The following CTNND2 variants were observed in gnomAD, a reference collection of about 807,000 sequenced individuals.
CTNND2 encodes catenin delta 2.
In CTNND2, 22 loss-of-function variants were observed where a neutral mutation model predicts 144.4. That is an observed-to-expected ratio of 0.15 (90% confidence interval 0.11 to 0.22). The LOEUF (loss-of-function observed/expected upper bound fraction) is 0.22. CTNND2 is among the 10% of genes least tolerant of loss of function. The pLI is 1.00. For synonymous variants in CTNND2, 751 were observed against 695.6 expected, an observed-to-expected ratio of 1.08 and a Z score of -1.25; for missense variants, 1,353 against 1,618.8, an observed-to-expected ratio of 0.84 and a Z score of 2.82.
chr5:11,061,702 A>G (rs1316938354), intron 16 of CTNND2, among the ~76,000 whole-genome samples: 3 of 150,562 alleles, frequency 2.0e-5, no homozygotes, highest in South Asian at 2.1e-4. Context: ...GAAAGTAGAT[A>G]TTGTTTTCTT....
intron 1 of CTNND2, among the ~76,000 whole-genome samples, chr5:11,856,233 C>T (rs929574161): frequency 6.6e-6 from 1 of 152,116 alleles, no homozygotes; most frequent in Non-Finnish European, 1.5e-5. Context: ...TCTGCTTTCA[C>T]AACTAAGAAA....
intron 2 of CTNND2, among the ~76,000 whole-genome samples, chr5:11,589,897 A>G (rs1779121720): frequency 6.6e-6 from 1 of 152,222 alleles, no homozygotes; most frequent in South Asian, 2.1e-4. Context: ...TACTTTCTTC[A>G]ATTCTAAAAC....
intron 2 of CTNND2, among the ~76,000 whole-genome samples, chr5:11,659,138 A>T (rs1347645043): frequency 6.6e-6 from 1 of 152,180 alleles, no homozygotes; most frequent in Non-Finnish European, 1.5e-5. Context: ...AAAAAATTTT[A>T]AAAATAAAAC....
intron 9 of CTNND2, among the ~76,000 whole-genome samples, chr5:11,320,049 C>T (rs994434060): frequency 8.5e-5 from 13 of 152,126 alleles, no homozygotes; most frequent in African/African-American, 2.4e-4. Context: ...GAAATGGAAA[C>T]GACACCCAGC....
intron 16 of CTNND2, among the ~76,000 whole-genome samples, chr5:11,040,063 A>G (rs923824167): frequency 1.3e-5 from 2 of 152,024 alleles, no homozygotes; most frequent in South Asian, 2.1e-4. Context: ...CTCTGTCTCA[A>G]AAAAGCAAAC....
At chr5:11,269,741 C>A (rs1442508105) in intron 9 of CTNND2, among the ~76,000 whole-genome samples, 1 of 152,140 alleles carries the variant, frequency 6.6e-6, no homozygotes, top group Admixed American at 6.5e-5. Context: ...CAGACTTGTA[C>A]TTTGGACCCC....
At chr5:11,524,801 C>A (rs143784547) in intron 3 of CTNND2, among the ~76,000 whole-genome samples, 1 of 152,048 alleles carries the variant, frequency 6.6e-6, no homozygotes, top group African/African-American at 2.4e-5. Context: ...CAACTGTATA[C>A]GCATCATCAC....
intron 13 of CTNND2, among the ~76,000 whole-genome samples, chr5:11,116,717 T>G (rs1753582199): frequency 6.6e-6 from 1 of 152,166 alleles, no homozygotes; most frequent in African/African-American, 2.4e-5. Flanking sequence ...TGGCACTTAG[T>G]GTAATCAACA....
chr5:11,197,297 C>T (rs1736956183), intron 11 of CTNND2, among the ~76,000 whole-genome samples: 1 of 152,170 alleles, frequency 6.6e-6, no homozygotes, highest in African/African-American at 2.4e-5. Context: ...CATGAAAATG[C>T]TCTAGAAAGG....
At chr5:11,391,102 G>C (rs1759590771) in intron 6 of CTNND2, among the ~76,000 whole-genome samples, 1 of 145,070 alleles carries the variant, frequency 6.9e-6, no homozygotes, top group Non-Finnish European at 1.5e-5. Context: ...GTTGTGACAA[G>C]GACATGAGAA....
At chr5:10,978,498 G>T (rs61752682) in intron 21 of CTNND2, among the ~76,000 whole-genome samples, 3 of 134,126 alleles carry the variant, frequency 2.2e-5, no homozygotes, top group Non-Finnish European at 3.2e-5. Flanking sequence ...TACTTTTTGG[G>T]GAGGGGGGGG....
At chr5:11,385,314 A>G in intron 6 of CTNND2, 85 bp from the exon 7 acceptor site, 1 of 928,822 alleles carries the variant, frequency 1.1e-6, no homozygotes, top group East Asian at 1.0e-4. Flanking sequence ...CCGAGAGCAG[A>G]GGCACACCGG....
At chr5:11,837,178 ATAT>A (rs1794231268) in intron 1 of CTNND2, among the ~76,000 whole-genome samples, 1 of 152,168 alleles carries the variant, frequency 6.6e-6, no homozygotes, top group Non-Finnish European at 1.5e-5. Flanking sequence ...CAGATGAAAA[ATAT>A]TATGATTCCA....
intron 2 of CTNND2, among the ~76,000 whole-genome samples, chr5:11,643,325 G>C (rs1284614065): frequency 6.6e-6 from 1 of 150,788 alleles, no homozygotes; most frequent in Non-Finnish European, 1.5e-5. Flanking sequence ...ATGTTGGTGT[G>C]CTGCACCCAT....
chr5:11,347,894 T>C (rs1024739834), intron 8 of CTNND2, among the ~76,000 whole-genome samples: 1 of 152,108 alleles, frequency 6.6e-6, no homozygotes, highest in Non-Finnish European at 1.5e-5. Context: ...GGTAAGGAAA[T>C]TGTGTCGAAA....
intron 3 of CTNND2, among the ~76,000 whole-genome samples, chr5:11,524,361 T>G (rs775912402): frequency 2.0e-5 from 3 of 152,230 alleles, no homozygotes; most frequent in Admixed American, 6.5e-5. Flanking sequence ...GTACTTTTGT[T>G]GTAAGTTGCA....
chr5:11,497,532 T>G lies in CTNND2; in HGVS notation c.287+67412A>C, dbSNP rs1770093001. The stretch of plus-strand genomic sequence containing the variant: ...TGTGCGGGGGGGTGGGGGGGGGCAA[T>G]ATGTGCAAAGGCCCTGAGGCACAAA... On this transcript the variant is annotated intron_variant, in intron 3 of 21. Transcript: ENST00000304623. Among the ~76,000 whole-genome samples the G allele has an allele frequency of 1.1e-4, 11 of 101,388 alleles. No individual in the cohort carries two copies. The South Asian group carries it at 1.2e-3, about 11-fold the overall frequency. The allele number at this position is 101,388 out of a possible 152,430, so 66.5% of individuals were successfully genotyped here. A position where few individuals can be genotyped will look rare whatever the true frequency, so the allele number is the denominator to read the frequency against.
At position 10,973,529 on chromosome 5, in the gene CTNND2, T is replaced by C; in HGVS notation, c.3602A>G (p.Tyr1201Cys). 1 of 1,613,724 alleles carries C rather than the reference T, an allele frequency of 6.2e-7. No individual in the cohort carries two copies. The highest frequency in any genetic ancestry group is 8.5e-7 in the Non-Finnish European group (1 of 1,179,850). Residue 1201 changes from tyrosine (Y) to cysteine (C), a missense_variant, in exon 22 of 22, where the codon TAC (tyrosine) becomes TGC (cysteine). Physicochemically the swap from Tyr to Cys is radical, Grantham distance 194 (BLOSUM62 -2). Coordinates refer to ENST00000304623, the MANE Select transcript of CTNND2 (RefSeq NM_001332.4). This position sits in a 1 kb window ranked among gnomAD's most constrained non-coding sequence, Gnocchi z 5.6. ...TTCACTGTAGGGACGGGCAGCTGAG[T>C]AGAAGTCAACGTAGTTGCCGGTGGA... ...LKSTGNYVDF[Y>C]SAARPYSELN...
At chr5:11,248,342 T>C (rs1478151154) in intron 9 of CTNND2, among the ~76,000 whole-genome samples, 1 of 148,972 alleles carries the variant, frequency 6.7e-6, no homozygotes, top group Non-Finnish European at 1.5e-5. Flanking sequence ...TATACATACA[T>C]ATATATATAT....
Sources: gnomAD v4.1 joint callset for allele counts (sites outside exome capture counted in the v4.1 genomes callset) on GRCh38, gnomAD v4.1.1 for gene constraint, Gnocchi (gnomAD v3.1) non-coding constraint, MANE v1.5 for transcripts, NCBI Gene and HGNC (gene_info 2026-07-23, HGNC 2026-07-21) for gene names.